Variants in TFB1M observed in about 807,000 individuals in gnomAD.
TFB1M encodes dimethyladenosine transferase 1, mitochondrial.
Under a neutral mutation model 31.1 loss-of-function variants are expected in TFB1M, and 27 were observed. The observed-to-expected ratio is 0.87, with a 90% CI of 0.64 to 1.20. The LOEUF (loss-of-function observed/expected upper bound fraction) is 1.20. TFB1M is among the 50% of genes most tolerant of loss of function. TFB1M has a pLI of 0.00. For synonymous variants in TFB1M, 166 were observed against 151.8 expected (o/e 1.09, Z -0.69); for missense variants, 394 against 418.7 (o/e 0.94, Z 0.51).
chr6:155,297,824 A>T (rs1777244179), intron 3 of TFB1M, among the ~76,000 whole-genome samples: 1 of 152,140 alleles, frequency 6.6e-6, no homozygotes, highest in South Asian at 2.1e-4. Flanking sequence ...TGGGGCAGAA[A>T]CCTGAAGACT....
intron 5 of TFB1M, among the ~76,000 whole-genome samples, chr6:155,282,979 G>A (rs898623177): frequency 9.2e-5 from 14 of 152,020 alleles, no homozygotes; most frequent in Non-Finnish European, 1.6e-4. Flanking sequence ...CGCCCACCTC[G>A]GCCTCCCAAA....
At chr6:155,239,527 C>T in the TFB1M span, among the ~76,000 whole-genome samples, 1 of 152,316 alleles carries the variant, frequency 6.6e-6, no homozygotes, top group African/African-American at 2.4e-5. Flanking sequence ...ACTGTGGAAG[C>T]GTTTCACCTG....
At chr6:155,302,808 TG>T (rs200367346) in intron 2 of TFB1M, among the ~76,000 whole-genome samples, 1,854 of 152,264 alleles carry the variant, frequency 0.012, 32 homozygotes, top group Non-Finnish European at 0.015. Context: ...TACCTGAGAC[TG>T]GGTAATTTAT....
At chr6:155,268,633 T>C (rs554755448) in intron 5 of TFB1M, among the ~76,000 whole-genome samples, 24 of 152,246 alleles carry the variant, frequency 1.6e-4, no homozygotes, top group African/African-American at 5.3e-4. Flanking sequence ...AATGAAAACA[T>C]GATCTGTGAC....
chr6:155,245,526 A>G, the TFB1M span: 24 of 1,007,238 alleles, frequency 2.4e-5, no homozygotes, highest in Non-Finnish European at 1.7e-5. Flanking sequence ...CATTAGTGCT[A>G]TGGAATCTGA....
At chr6:155,243,501 A>AT in the TFB1M span, among the ~76,000 whole-genome samples, 2 of 152,196 alleles carry the variant, frequency 1.3e-5, no homozygotes, top group African/African-American at 4.8e-5. Context: ...CTGTATTGTG[A>AT]TATTAAACTC....
In TFB1M at chr6:155,256,741, C is replaced by T. The variant is rs139143766; in HGVS notation, c.*1095G>A. 68 of 1,614,094 alleles carry T rather than the reference C, an allele frequency of 4.2e-5. No individual in the cohort carries two copies. The highest frequency in any genetic ancestry group is 1.6e-4 in the Middle Eastern group (1 of 6,084). ...CCTGAGCGATGAAGATGATGACCAC[C>T]GTCAGACTGTGAAGCAGGGCAGCCC... On this transcript the variant is annotated 3_prime_UTR_variant, in exon 7 of 7. Coordinates refer to ENST00000367166, the MANE Select transcript of TFB1M (RefSeq NM_016020.4).
At chr6:155,297,964 G>A (rs1777250373) in intron 3 of TFB1M, among the ~76,000 whole-genome samples, 1 of 152,194 alleles carries the variant, frequency 6.6e-6, no homozygotes, top group South Asian at 2.1e-4. Context: ...GCCCTCCTCC[G>A]TTTGTTCTGA....
chr6:155,250,748 T>C, the TFB1M span: 1 of 1,142,976 alleles, frequency 8.7e-7, no homozygotes. Flanking sequence ...TTAACTCATA[T>C]TTTCAAAAGC....
intron 4 of TFB1M, among the ~76,000 whole-genome samples, chr6:155,294,105 G>A (rs10499303): frequency 0.14 from 20,725 of 152,136 alleles, 1,616 homozygotes; most frequent in Non-Finnish European, 0.19. Context: ...AGGGATCAAC[G>A]AGGGCTGACT....
intron 5 of TFB1M, chr6:155,260,627 C>A: frequency 1.7e-6 from 1 of 598,368 alleles, no homozygotes; most frequent in Non-Finnish European, 3.0e-6. Flanking sequence ...TAATGACATC[C>A]ACCAGACCTG....
chr6:155,267,128 C>A (rs1489867853), intron 5 of TFB1M, among the ~76,000 whole-genome samples: 1 of 151,884 alleles, frequency 6.6e-6, no homozygotes, highest in East Asian at 2.0e-4. Flanking sequence ...GTGGGTGGCA[C>A]CACACCCGGC....
At chr6:155,246,333 C>A in the TFB1M span, among the ~76,000 whole-genome samples, 1,101 of 152,144 alleles carry the variant, frequency 7.2e-3, 20 homozygotes, top group African/African-American at 0.025. Flanking sequence ...GTCATGATAT[C>A]CCAGAAGAAA....
intron 2 of TFB1M, chr6:155,303,577 A>T (rs1228661972): frequency 6.6e-6 from 1 of 152,232 alleles, no homozygotes; most frequent in African/African-American, 2.4e-5. Context: ...AGTAAGTTAC[A>T]TGTGTAAAGT....
intron 4 of TFB1M, among the ~76,000 whole-genome samples, chr6:155,286,635 A>ATG (rs1306095268): frequency 3.1e-5 from 4 of 127,512 alleles, no homozygotes; most frequent in African/African-American, 1.1e-4. Context: ...ATGTGTGCAT[A>ATG]TATGTGTGTG....
At chr6:155,247,700 A>G in the TFB1M span, among the ~76,000 whole-genome samples, 1 of 152,156 alleles carries the variant, frequency 6.6e-6, no homozygotes, top group Non-Finnish European at 1.5e-5. Context: ...TCTCATGGGT[A>G]TGCATGAAAT....
intron 4 of TFB1M, among the ~76,000 whole-genome samples, chr6:155,290,101 T>G (rs1486656348): frequency 6.6e-6 from 1 of 152,142 alleles, no homozygotes; most frequent in Non-Finnish European, 1.5e-5. Context: ...TGGACTAACA[T>G]AGGGGCTGGG....
rs776270937 is a variant in TFB1M at position 155,298,585 on chromosome 6, T to A, written c.286A>T (p.Met96Leu). ...KDTRFIPGLQ[M>L]LSDAAPGKLR... is the part of the protein sequence containing the mutation. Reference sequence around the variant, plus strand: ...TTCCCAGGTGCTGCATCAGAAAGCATCTAGTTTATAAAAAGATCAGTAAAA... The same window carrying A: ...TTCCCAGGTGCTGCATCAGAAAGCAACTAGTTTATAAAAAGATCAGTAAAA... The change falls in exon 3 of 7, where the codon ATG becomes TTG. Residue 96 changes from methionine to leucine, a missense_variant and splice_region_variant. Met to Leu is a conservative substitution (Grantham distance 15). Transcript: ENST00000367166. 42 of 1,600,836 alleles carry A rather than the reference T, an allele frequency of 2.6e-5. No homozygotes were observed. The South Asian group carries it at 4.3e-4, about 16-fold the overall frequency.
At chr6:155,242,629 C>A in the TFB1M span, among the ~76,000 whole-genome samples, 1 of 152,226 alleles carries the variant, frequency 6.6e-6, no homozygotes, top group Non-Finnish European at 1.5e-5. Flanking sequence ...GTTATTATAG[C>A]TGACTTTGCA....
Sources: gnomAD v4.1 joint callset for allele counts (sites outside exome capture counted in the v4.1 genomes callset) on GRCh38, gnomAD v4.1.1 for gene constraint, MANE v1.5 for transcripts, NCBI Gene and HGNC (gene_info 2026-07-23, HGNC 2026-07-21) for gene names.